SH3PXD2A: variants seen among roughly 807,000 people sequenced by gnomAD.
SH3PXD2A encodes SH3 and PX domains 2A.
SH3PXD2A carries 32 observed loss-of-function variants against 115.2 expected under a neutral mutation model. The ratio of observed to expected loss-of-function variants is 0.28; its 90% CI spans 0.21 to 0.37. The LOEUF (loss-of-function observed/expected upper bound fraction) is 0.37. SH3PXD2A is among the 10% of genes least tolerant of loss of function. SH3PXD2A has a pLI of 1.00. For missense variants in SH3PXD2A, 1,328 were observed against 1,498.7 expected, an observed-to-expected ratio of 0.89 and a Z score of 1.88; for synonymous variants, 610 against 629.1, an observed-to-expected ratio of 0.97 and a Z score of 0.45.
At chr10:103,608,461 G>A (rs977126960) in intron 13 of SH3PXD2A, among the ~76,000 whole-genome samples, 5 of 147,610 alleles carry the variant, frequency 3.4e-5, no homozygotes, top group African/African-American at 5.0e-5. Flanking sequence ...GAAAAATTGT[G>A]TTGGGATTTA....
At chr10:103,783,211 C>T (rs149623484) in intron 2 of SH3PXD2A, among the ~76,000 whole-genome samples, 1 of 152,184 alleles carries the variant, frequency 6.6e-6, no homozygotes, top group Admixed American at 6.5e-5. Context: ...GTTTGGAGTT[C>T]ATTCCAAAAA....
intron 3 of SH3PXD2A, among the ~76,000 whole-genome samples, chr10:103,750,105 T>C (rs1171756582): frequency 1.3e-5 from 2 of 152,132 alleles, no homozygotes; most frequent in African/African-American, 4.8e-5. Flanking sequence ...CAGGCTGGAG[T>C]GCAGTAGCAC....
At chr10:103,797,363 C>T (rs1012997655) in intron 2 of SH3PXD2A, among the ~76,000 whole-genome samples, 5 of 152,078 alleles carry the variant, frequency 3.3e-5, no homozygotes, top group South Asian at 4.1e-4. Context: ...CTTCAGAAAG[C>T]GTGGAATGAG....
intron 2 of SH3PXD2A, among the ~76,000 whole-genome samples, chr10:103,789,032 T>C (rs975206836): frequency 2.0e-5 from 3 of 152,172 alleles, no homozygotes; most frequent in Admixed American, 6.5e-5. Flanking sequence ...TGGTGGCAGA[T>C]TGCCTCCCAG....
chr10:103,723,719 C>A (rs1474029770), intron 5 of SH3PXD2A, among the ~76,000 whole-genome samples: 1 of 152,178 alleles, frequency 6.6e-6, no homozygotes, highest in Admixed American at 6.5e-5. Context: ...GTTTCCTCCT[C>A]TGTAAATAGG....
intron 2 of SH3PXD2A, among the ~76,000 whole-genome samples, chr10:103,800,146 G>C (rs144374234): frequency 6.6e-6 from 1 of 152,172 alleles, no homozygotes; most frequent in East Asian, 1.9e-4. Flanking sequence ...TCACAACCCC[G>C]AGAGGAATCT....
intron 1 of SH3PXD2A, among the ~76,000 whole-genome samples, chr10:103,821,539 T>C (rs1478398046): frequency 6.6e-6 from 1 of 151,828 alleles, no homozygotes; most frequent in East Asian, 1.9e-4. Flanking sequence ...CAGACACAAG[T>C]GGGAGATCTG....
intron 13 of SH3PXD2A, chr10:103,610,034 A>G (rs1296467793): frequency 6.6e-6 from 1 of 152,300 alleles, no homozygotes; most frequent in Non-Finnish European, 1.5e-5. Flanking sequence ...AGCTCAATAA[A>G]TAGAAGCTGG....
intron 2 of SH3PXD2A, among the ~76,000 whole-genome samples, chr10:103,778,507 C>T (rs1334669165): frequency 6.6e-6 from 1 of 152,244 alleles, no homozygotes; most frequent in Non-Finnish European, 1.5e-5. Context: ...TCTTTCCTAG[C>T]TACATGACCT....
chr10:103,728,802 CAGA>C (rs1200046117), intron 4 of SH3PXD2A, among the ~76,000 whole-genome samples: 2 of 151,962 alleles, frequency 1.3e-5, no homozygotes, highest in Non-Finnish European at 2.9e-5. Flanking sequence ...TTCAGTTTTA[CAGA>C]AGAAGAAACT....
intron 1 of SH3PXD2A, among the ~76,000 whole-genome samples, chr10:103,824,013 T>G (rs541278693): frequency 7.9e-5 from 12 of 152,328 alleles, no homozygotes; most frequent in Admixed American, 7.8e-4. Flanking sequence ...TATTGTCCCT[T>G]GCCAGCTGAC....
chr10:103,675,789 C>A (rs2037524197), intron 6 of SH3PXD2A, among the ~76,000 whole-genome samples: 1 of 152,120 alleles, frequency 6.6e-6, no homozygotes, highest in African/African-American at 2.4e-5. Flanking sequence ...ACGCCTGTAA[C>A]CTTAGCACTT....
intron 2 of SH3PXD2A, among the ~76,000 whole-genome samples, chr10:103,793,282 C>G (rs1250353673): frequency 6.6e-6 from 1 of 152,112 alleles, no homozygotes; most frequent in African/African-American, 2.4e-5. Flanking sequence ...AAAACATTTA[C>G]ATTCATATGC....
chr10:103,652,107 G>A (rs1396855668), intron 8 of SH3PXD2A, among the ~76,000 whole-genome samples: 3 of 152,256 alleles, frequency 2.0e-5, no homozygotes, highest in Non-Finnish European at 4.4e-5. Flanking sequence ...AAAAACTCAG[G>A]GGAGGCAAAC....
intron 5 of SH3PXD2A, among the ~76,000 whole-genome samples, chr10:103,705,405 T>C (rs1426939242): frequency 6.6e-6 from 1 of 152,202 alleles, no homozygotes; most frequent in Non-Finnish European, 1.5e-5. Flanking sequence ...CTCTTATTAT[T>C]ATTAATACTA....
At chr10:103,702,601 G>A (rs1427456799) in intron 5 of SH3PXD2A, among the ~76,000 whole-genome samples, 1 of 151,752 alleles carries the variant, frequency 6.6e-6, no homozygotes, top group African/African-American at 2.4e-5. Flanking sequence ...GTGTGCGTGT[G>A]TGTGTGTGTG....
At chr10:103,706,546 A>G (rs1190925880) in intron 5 of SH3PXD2A, among the ~76,000 whole-genome samples, 3 of 151,944 alleles carry the variant, frequency 2.0e-5, no homozygotes, top group African/African-American at 7.3e-5. Context: ...TTTGTTGTCT[A>G]TTTCTTCCCC....
At chr10:103,744,265 T>C (rs928988640) in intron 3 of SH3PXD2A, among the ~76,000 whole-genome samples, 3 of 151,862 alleles carry the variant, frequency 2.0e-5, no homozygotes, top group South Asian at 2.1e-4. Context: ...GCGATTCTCC[T>C]GCCTCAGCCT....
At chr10:103,712,140 T>A (rs1346577172) in intron 5 of SH3PXD2A, among the ~76,000 whole-genome samples, 1 of 152,024 alleles carries the variant, frequency 6.6e-6, no homozygotes, top group Middle Eastern at 3.2e-3. Flanking sequence ...TGGATTGTGG[T>A]GATGGTTGCA....
Sources: allele counts gnomAD v4.1 joint callset (sites outside exome capture counted in the v4.1 genomes callset), GRCh38; gene constraint gnomAD v4.1.1; transcripts MANE v1.5; gene names NCBI Gene and HGNC (gene_info 2026-07-23, HGNC 2026-07-21).